The following PLD5 variants were observed in gnomAD, a reference collection of about 807,000 sequenced individuals.
PLD5 encodes phospholipase D family member 5, also known as inactive phospholipase D5.
In PLD5, 36 loss-of-function variants were observed where a neutral mutation model predicts 61.1. That is an observed-to-expected ratio of 0.59 (90% CI 0.45 to 0.78). The LOEUF (loss-of-function observed/expected upper bound fraction) is 0.78, where lower values mean the gene tolerates loss of function less well. Among genes scored for constraint, PLD5 ranks in the 30% least tolerant of loss-of-function variants. The probability of loss-of-function intolerance (pLI) is 0.00; values close to 1 mark genes in which losing one functional copy is unlikely to be tolerated. For missense variants in PLD5, 515 were observed against 644.4 expected, an observed-to-expected ratio of 0.80 and a Z score of 2.17; for synonymous variants, 243 against 242.8, an observed-to-expected ratio of 1.00 and a Z score of -0.01.
chr1:242,185,093 G>T (rs866847141), intron 5 of PLD5, among the ~76,000 whole-genome samples: 4 of 152,156 alleles, frequency 2.6e-5, no homozygotes, highest in Non-Finnish European at 4.4e-5. Context: ...AAGACAGCTG[G>T]CTGCCTATGT....
intron 5 of PLD5, among the ~76,000 whole-genome samples, chr1:242,152,054 A>T (rs992580891): frequency 6.6e-6 from 1 of 151,850 alleles, no homozygotes; most frequent in Non-Finnish European, 1.5e-5. Context: ...AAAATTTATT[A>T]TCATGCAGTT....
intron 2 of PLD5, among the ~76,000 whole-genome samples, chr1:242,325,479 G>T (rs1461209709): frequency 7.0e-6 from 1 of 141,862 alleles, no homozygotes. Context: ...GAGTAGGGGG[G>T]AGAGAAGGTG....
At chr1:242,168,849 T>TTTTTTTTTTTTTTTTTTA (rs1666526936) in intron 5 of PLD5, among the ~76,000 whole-genome samples, 2 of 73,930 alleles carry the variant, frequency 2.7e-5, no homozygotes, top group East Asian at 8.5e-4. Context: ...TAATGAAGTT[T>TTTTTTTTTTTTTTTTTTA]TTTTTTTTTT....
At chr1:242,377,301 C>T in intron 1 of PLD5, 1 of 1,607,570 alleles carries the variant, frequency 6.2e-7, no homozygotes, top group Non-Finnish European at 8.5e-7. Context: ...ACACACGGCA[C>T]ACTTGTGAAC....
intron 1 of PLD5, among the ~76,000 whole-genome samples, chr1:242,484,211 G>A (rs945129655): frequency 6.6e-6 from 1 of 152,102 alleles, no homozygotes; most frequent in Non-Finnish European, 1.5e-5. Context: ...ACTAAGATCA[G>A]AGCAGAACTA....
chr1:242,111,332 C>T (rs538706085), intron 7 of PLD5, among the ~76,000 whole-genome samples: 1 of 152,312 alleles, frequency 6.6e-6, no homozygotes, highest in South Asian at 2.1e-4. Context: ...GCTGGGATTA[C>T]AGACGTGAGC....
Position 242,087,681 on chromosome 1 carries a change from G to A in PLD5, c.*2173C>T, listed in dbSNP as rs1006695551. On this transcript the variant is annotated 3_prime_UTR_variant, in exon 10 of 10. Transcript: ENST00000536534. The stretch of plus-strand genomic sequence containing the variant: ...GCTGGTCTCAAACTCTTGGCCTCAA[G>A]CAATCCTCCTGCCTTGGCCTTCCAA... 1 of 152,352 alleles carries A rather than the reference G, an allele frequency of 6.6e-6. No individual in the cohort carries two copies. The highest frequency in any genetic ancestry group is 1.5e-5 in the Non-Finnish European group (1 of 68,102). 9.4% of individuals were successfully genotyped at this position (152,352 alleles called of 1,614,324 possible). A position where few individuals can be genotyped will look rare whatever the true frequency, so the allele number is the denominator to read the frequency against.
rs200020344 is a variant in PLD5 at position 242,327,168 on chromosome 1, A to AT, written c.326+20937dup. Among the ~76,000 whole-genome samples, 225 of 147,098 alleles carry AT rather than the reference A, an allele frequency of 1.5e-3. 5 individuals carry two copies. In the East Asian group the frequency reaches 0.037, roughly 24 times the overall value. On this transcript the variant is annotated intron_variant, in intron 2 of 9. Coordinates refer to ENST00000536534, the MANE Select transcript of PLD5 (RefSeq NM_001372062.1). ...GCGTGAGCCACCACGCCTGGCGCTA[A>AT]TTTTTTTTTTTAATTGTTTGTAGAA...
chr1:242,462,552 G>A (rs535366488), intron 1 of PLD5, among the ~76,000 whole-genome samples: 2 of 150,762 alleles, frequency 1.3e-5, no homozygotes, highest in Admixed American at 6.6e-5. Flanking sequence ...CCAAACCTCA[G>A]CATCCCATGT....
At chr1:242,467,922 G>A (rs190343782) in intron 1 of PLD5, among the ~76,000 whole-genome samples, 7 of 151,448 alleles carry the variant, frequency 4.6e-5, no homozygotes, top group Non-Finnish European at 8.8e-5. Context: ...CAGTAGAACC[G>A]CCCCCCAAAG....
At chr1:242,219,634 T>G (rs897021986) in intron 5 of PLD5, among the ~76,000 whole-genome samples, 3 of 152,226 alleles carry the variant, frequency 2.0e-5, no homozygotes, top group Admixed American at 2.0e-4. Flanking sequence ...TAAGACATAT[T>G]ACTCTCTACT....
chr1:242,174,352 C>A (rs1462604872), intron 5 of PLD5, among the ~76,000 whole-genome samples: 1 of 152,190 alleles, frequency 6.6e-6, no homozygotes, highest in Non-Finnish European at 1.5e-5. Flanking sequence ...CAATGGGATA[C>A]CACCTCACAC....
chr1:242,440,005 G>C (rs530090887), intron 1 of PLD5, among the ~76,000 whole-genome samples: 1 of 152,138 alleles, frequency 6.6e-6, no homozygotes, highest in Non-Finnish European at 1.5e-5. Flanking sequence ...CCAGTGTTGG[G>C]TGTTCTTGTA....
chr1:242,242,471 A>C (rs551027828), intron 4 of PLD5, among the ~76,000 whole-genome samples: 1 of 152,380 alleles, frequency 6.6e-6, no homozygotes, highest in East Asian at 1.9e-4. Context: ...GTTGCTAAGC[A>C]GAAGAGGGTG....
chr1:242,094,225 T>C (rs1377494538), intron 9 of PLD5, among the ~76,000 whole-genome samples: 1 of 151,958 alleles, frequency 6.6e-6, no homozygotes, highest in African/African-American at 2.4e-5. Context: ...GATGATGAGG[T>C]TGCAAGAGAG....
rs531009675 is a variant in PLD5 at position 242,366,719 on chromosome 1, C to T, written c.190-18477G>A. 3.9e-5 allele frequency among the ~76,000 whole-genome samples: 6 copies of T among 152,130 alleles called. No individual in the cohort carries two copies. The South Asian group carries it at 1.2e-3, about 32-fold the overall frequency. ...TGGATATGCACTAGTTCATTTTCTC[C>T]CTTTAGTCTCTTTCACTAAATTGAG... On this transcript the variant is annotated intron_variant, in intron 1 of 9. Transcript: ENST00000536534.
chr1:242,444,617 AAAT>A (rs1666423385), intron 1 of PLD5, among the ~76,000 whole-genome samples: 1 of 95,720 alleles, frequency 1.0e-5, no homozygotes, highest in Non-Finnish European at 2.4e-5. Context: ...TACTTTATAC[AAAT>A]AATATATATA....
At chr1:242,414,062 C>T (rs940999030) in intron 1 of PLD5, among the ~76,000 whole-genome samples, 50 of 152,102 alleles carry the variant, frequency 3.3e-4, no homozygotes, top group Admixed American at 1.7e-3. Flanking sequence ...TCAAGTGAAA[C>T]GCTATTAAAA....
intron 2 of PLD5, among the ~76,000 whole-genome samples, chr1:242,319,558 A>G (rs1041659733): frequency 2.0e-5 from 3 of 152,158 alleles, no homozygotes; most frequent in Non-Finnish European, 2.9e-5. Context: ...AGCTACAGAG[A>G]TGAAAGGGTA....
Sources: gnomAD v4.1 joint callset for allele counts (sites outside exome capture counted in the v4.1 genomes callset) on GRCh38, gnomAD v4.1.1 for gene constraint, MANE v1.5 for transcripts, NCBI Gene and HGNC (gene_info 2026-07-23, HGNC 2026-07-21) for gene names.